LRP1B: variants seen among roughly 807,000 people sequenced by gnomAD.
The protein encoded by LRP1B is LDL receptor related protein 1B, also known as low-density lipoprotein receptor-related protein 1B.
In LRP1B, 217 loss-of-function variants were observed where a neutral mutation model predicts 556.6. The ratio of observed to expected loss-of-function variants is 0.39; its 90% confidence interval spans 0.35 to 0.44. The LOEUF (loss-of-function observed/expected upper bound fraction) is 0.44. Ranked by LOEUF, LRP1B falls within the 20% of genes least tolerant of loss-of-function variation. The probability of loss-of-function intolerance (pLI) is 1.00; values close to 1 mark genes in which losing one functional copy is unlikely to be tolerated. For synonymous variants in LRP1B, 2,047 were observed against 1,865.8 expected (o/e 1.10, Z -2.50); for missense variants, 5,053 against 5,620.8 (o/e 0.90, Z 3.23).
At chr2:141,271,436 A>G (rs1044918902) in intron 3 of LRP1B, among the ~76,000 whole-genome samples, 25 of 151,964 alleles carry the variant, frequency 1.6e-4, no homozygotes, top group Admixed American at 1.4e-3. Context: ...GGCATTCACA[A>G]TATAGTAAAA....
intron 1 of LRP1B, among the ~76,000 whole-genome samples, chr2:142,025,192 C>T (rs2105184382): frequency 6.6e-6 from 1 of 152,280 alleles, no homozygotes; most frequent in Non-Finnish European, 1.5e-5. Context: ...ATTTCCCACA[C>T]TCAATCAGTC....
intron 19 of LRP1B, among the ~76,000 whole-genome samples, chr2:140,951,524 C>T (rs1695713728): frequency 2.6e-5 from 4 of 152,138 alleles, no homozygotes; most frequent in Admixed American, 2.6e-4. Flanking sequence ...ATAAGCTTCT[C>T]CTCCTGAGGT....
At chr2:140,881,692 C>T (rs550976064) in intron 25 of LRP1B, among the ~76,000 whole-genome samples, 8 of 152,126 alleles carry the variant, frequency 5.3e-5, no homozygotes, top group Non-Finnish European at 1.0e-4. Flanking sequence ...TAATTAGCCT[C>T]ACTGTTTCAT....
intron 41 of LRP1B, among the ~76,000 whole-genome samples, chr2:140,622,077 G>GGAAAAGCATCAATTTGGT (rs1344371461): frequency 6.6e-6 from 1 of 152,096 alleles, no homozygotes; most frequent in African/African-American, 2.4e-5. Flanking sequence ...TCAAATTTAA[G>GGAAAAGCATCAATTTGGT]GAAAAGCATC....
chr2:141,649,071 T>C (rs1357170518), intron 2 of LRP1B, among the ~76,000 whole-genome samples: 1 of 152,198 alleles, frequency 6.6e-6, no homozygotes, highest in Non-Finnish European at 1.5e-5. Context: ...TAGGCTAAAA[T>C]TCTAATTCAT....
rs2105313901 is a variant in LRP1B at position 140,450,614 on chromosome 2, G to A, written c.10011C>T (p.Asp3337=). ...DKCIPFWWKC[D]TVDDCGDGSD... is the part of the protein sequence containing the mutation. ...ATCCATCACCACAGTCATCCACGGT[G>A]TCACATTTCCACCAGAATGGAATAC... The change falls in exon 63 of 91, where the codon GAC becomes GAT. Residue 3337 remains aspartate (D), a synonymous_variant. Coordinates refer to ENST00000389484, the MANE Select transcript of LRP1B (RefSeq NM_018557.3). 6.2e-7 allele frequency: 1 copy of A among 1,612,894 alleles called. No homozygotes were observed. Among genetic ancestry groups the A allele is most frequent in the Non-Finnish European group, 8.5e-7 (1 of 1,179,488 alleles).
chr2:140,403,099 T>C (rs1314442774), intron 66 of LRP1B, among the ~76,000 whole-genome samples: 1 of 151,946 alleles, frequency 6.6e-6, no homozygotes, highest in African/African-American at 2.4e-5. Flanking sequence ...CTTAAAGTCA[T>C]ATACTTACGG....
rs564540035 is a variant in LRP1B, at chr2:141,068,557, CAA to C, written c.1014-6286_1014-6285del. On this transcript the variant is annotated intron_variant, in intron 7 of 90. Transcript: ENST00000389484. Reference sequence around the variant, plus strand: ...TCCTCCTGACTGCACATGTGGTTGGCAAAAAAAAAAAAAAAAAAAAGGAAAGA... The same window carrying C: ...TCCTCCTGACTGCACATGTGGTTGGCAAAAAAAAAAAAAAAAAAGGAAAGA... 3.5e-3 allele frequency among the ~76,000 whole-genome samples: 252 copies of C among 71,578 alleles called. 1 individual carries two copies. The highest frequency in any genetic ancestry group is 5.7e-3 in the Non-Finnish European group (193 of 33,750). 47.0% of individuals were successfully genotyped at this position (71,578 alleles called of 152,430 possible). A position where few individuals can be genotyped will look rare whatever the true frequency, so the allele number is the denominator to read the frequency against.
chr2:141,892,237 G>A (rs996288685), intron 1 of LRP1B, among the ~76,000 whole-genome samples: 1 of 151,610 alleles, frequency 6.6e-6, no homozygotes, highest in African/African-American at 2.4e-5. Context: ...CACCAAGAAA[G>A]TATTTTTAAT....
At chr2:141,639,345 T>TACACACAC (rs1317052266) in intron 2 of LRP1B, among the ~76,000 whole-genome samples, 6 of 62,874 alleles carry the variant, frequency 9.5e-5, no homozygotes, top group East Asian at 1.4e-3. Flanking sequence ...TATATATATA[T>TACACACAC]ATATACACAC....
At chr2:141,148,823 C>A (rs776548685) in intron 7 of LRP1B, among the ~76,000 whole-genome samples, 1 of 152,130 alleles carries the variant, frequency 6.6e-6, no homozygotes, top group Non-Finnish European at 1.5e-5. Flanking sequence ...GTGGTTCACG[C>A]CTGTAATCCC....
chr2:140,349,680 C>T (rs1681869401), intron 77 of LRP1B, among the ~76,000 whole-genome samples: 1 of 151,980 alleles, frequency 6.6e-6, no homozygotes, highest in South Asian at 2.1e-4. Context: ...GTATATACTC[C>T]ATTCATTAAC....
chr2:140,923,998 T>G (rs2105260416), intron 20 of LRP1B, among the ~76,000 whole-genome samples: 1 of 152,192 alleles, frequency 6.6e-6, no homozygotes, highest in African/African-American at 2.4e-5. Context: ...TATTTCCAAA[T>G]ATTACAGTAA....
chr2:141,929,310 T>C (rs540670695), intron 1 of LRP1B, among the ~76,000 whole-genome samples: 1 of 152,068 alleles, frequency 6.6e-6, no homozygotes. Context: ...ACATAATACA[T>C]GCACACAAAA....
chr2:140,290,120 G>GT (rs1461329440), intron 84 of LRP1B, among the ~76,000 whole-genome samples: 1 of 151,994 alleles, frequency 6.6e-6, no homozygotes, highest in Non-Finnish European at 1.5e-5. Flanking sequence ...ACTGTGGCCT[G>GT]TTTAATATTC....
chr2:140,375,729 C>G (rs969845535), intron 68 of LRP1B, among the ~76,000 whole-genome samples: 12 of 151,708 alleles, frequency 7.9e-5, no homozygotes, highest in Non-Finnish European at 1.2e-4. Context: ...TTTAAGATTT[C>G]TTTGTTTTTT....
At position 141,475,335 on chromosome 2, in the gene LRP1B, C is replaced by T. The variant is rs192575436; in HGVS notation, c.343+5061G>A. ...TAAGCTGAGATCATGCCACTGCACT[C>T]CAGCCTGGGCAACAGAGCAAGATTC... On this transcript the variant is annotated intron_variant, in intron 3 of 90. Coordinates refer to ENST00000389484, the MANE Select transcript of LRP1B (RefSeq NM_018557.3). Among the ~76,000 whole-genome samples the T allele has an allele frequency of 4.2e-3, 632 of 152,250 alleles. 2 individuals are homozygous for T. The highest frequency in any genetic ancestry group is 5.3e-3 in the Non-Finnish European group (361 of 68,022).
At chr2:141,199,976 G>A (rs1387721085) in intron 6 of LRP1B, among the ~76,000 whole-genome samples, 1 of 152,118 alleles carries the variant, frequency 6.6e-6, no homozygotes, top group East Asian at 1.9e-4. Flanking sequence ...CCTGTTGGTG[G>A]GAGTGTTAAC....
At chr2:142,052,537 G>C (rs1159101903) in intron 1 of LRP1B, among the ~76,000 whole-genome samples, 1 of 152,004 alleles carries the variant, frequency 6.6e-6, no homozygotes, top group Non-Finnish European at 1.5e-5. Context: ...TACTTAATAT[G>C]TCATGTGTGG....
Sources: allele counts gnomAD v4.1 joint callset (sites outside exome capture counted in the v4.1 genomes callset), GRCh38; gene constraint gnomAD v4.1.1; transcripts MANE v1.5; gene names NCBI Gene and HGNC (gene_info 2026-07-23, HGNC 2026-07-21).